The following PAK1 variants were observed in gnomAD, a reference collection of about 807,000 sequenced individuals.
PAK1 encodes serine/threonine-protein kinase PAK 1.
PAK1 carries 29 observed loss-of-function variants against 67.4 expected under a neutral mutation model. That is an observed-to-expected ratio of 0.43 (90% CI 0.32 to 0.59). The LOEUF is 0.59. PAK1 is among the 20% of genes least tolerant of loss of function. The pLI, the probability that PAK1 is intolerant of heterozygous loss-of-function variation, is 0.07. For synonymous variants in PAK1, 223 were observed against 237.4 expected (o/e 0.94, Z 0.56); for missense variants, 337 against 670.7 (o/e 0.50, Z 5.50).
chr11:77,408,161 G>GCGTC (rs1953911579), intron 1 of PAK1: 1 of 152,174 alleles, frequency 6.6e-6, no homozygotes, highest in Non-Finnish European at 1.5e-5. Context: ...TACCACATGA[G>GCGTC]CGTCCACATT....
intron 14 of PAK1, among the ~76,000 whole-genome samples, chr11:77,324,863 C>A (rs1204318231): frequency 6.6e-6 from 1 of 152,010 alleles, no homozygotes; most frequent in Non-Finnish European, 1.5e-5. Flanking sequence ...ATTGCTGCAA[C>A]TTCTGTTGGG....
chr11:77,499,943 G>A, the PAK1 span, among the ~76,000 whole-genome samples: 5 of 152,058 alleles, frequency 3.3e-5, no homozygotes, highest in Non-Finnish European at 5.9e-5. Flanking sequence ...CAGCATCAGC[G>A]AACACTTCCA....
chr11:77,430,914 A>G (rs918287688), intron 1 of PAK1, among the ~76,000 whole-genome samples: 4 of 152,260 alleles, frequency 2.6e-5, no homozygotes, highest in Admixed American at 6.5e-5. Context: ...AAGGGAGCAA[A>G]GCTGAGCTCC....
At chr11:77,415,345 A>G (rs1565686886) in intron 1 of PAK1, among the ~76,000 whole-genome samples, 1 of 152,202 alleles carries the variant, frequency 6.6e-6, no homozygotes, top group African/African-American at 2.4e-5. Context: ...AAATACAGTT[A>G]TGTGTCACTT....
At chr11:77,471,100 A>G (rs1372835411) in intron 1 of PAK1, among the ~76,000 whole-genome samples, 1 of 152,232 alleles carries the variant, frequency 6.6e-6, no homozygotes, top group African/African-American at 2.4e-5. Flanking sequence ...TGCCTGCTAT[A>G]TGCAGTCACT....
chr11:77,396,847 T>C (rs1174673564), intron 1 of PAK1, among the ~76,000 whole-genome samples: 1 of 152,232 alleles, frequency 6.6e-6, no homozygotes, highest in Non-Finnish European at 1.5e-5. Flanking sequence ...TTCTTATAGG[T>C]TCTCCACAAG....
At chr11:77,413,395 G>C (rs1342496017) in intron 1 of PAK1, among the ~76,000 whole-genome samples, 2 of 152,196 alleles carry the variant, frequency 1.3e-5, no homozygotes, top group Admixed American at 1.3e-4. Flanking sequence ...AGAAGCAGCA[G>C]CAGAACTTGG....
the PAK1 span, among the ~76,000 whole-genome samples, chr11:77,521,663 T>C: frequency 6.6e-6 from 1 of 152,192 alleles, no homozygotes; most frequent in Non-Finnish European, 1.5e-5. Context: ...CACACCCAGA[T>C]AGCTAGTGGT....
At chr11:77,341,765 T>C (rs572620052) in intron 10 of PAK1, among the ~76,000 whole-genome samples, 8 of 152,338 alleles carry the variant, frequency 5.3e-5, no homozygotes, top group African/African-American at 1.9e-4. Context: ...CATCCTGATA[T>C]TGGGAATACT....
chr11:77,516,363 C>T, the PAK1 span, among the ~76,000 whole-genome samples: 1 of 152,162 alleles, frequency 6.6e-6, no homozygotes, highest in Non-Finnish European at 1.5e-5. Flanking sequence ...ACTGAGTAAA[C>T]TTGGACAACT....
intron 1 of PAK1, among the ~76,000 whole-genome samples, chr11:77,432,653 G>T (rs143863513): frequency 8.0e-4 from 122 of 151,832 alleles, no homozygotes; most frequent in African/African-American, 2.8e-3. Flanking sequence ...ATGAGACCCT[G>T]TCTCAAAAAA....
At chr11:77,357,946 G>T (rs905705783) in intron 6 of PAK1, among the ~76,000 whole-genome samples, 1 of 152,124 alleles carries the variant, frequency 6.6e-6, no homozygotes, top group African/African-American at 2.4e-5. Flanking sequence ...AACCATATCA[G>T]TGTTAACGAC....
chr11:77,479,441 G>A (rs888038187), upstream of PAK1, among the ~76,000 whole-genome samples: 1 of 151,972 alleles, frequency 6.6e-6, no homozygotes, highest in African/African-American at 2.4e-5. Context: ...ACTTATAGGG[G>A]GCCAAAGGAG....
rs143762191 is a variant in PAK1 at position 77,413,612 on chromosome 11, G to A, written c.-21-21071C>T. On this transcript the variant is annotated intron_variant, in intron 1 of 14. Coordinates refer to ENST00000356341, the MANE Select transcript of PAK1 (RefSeq NM_002576.5). ...GCAGGAGAATCCCTTGAACCCAGGA[G>A]GCGGAAGTTGCAGTGAGCTGAGATC... Among the ~76,000 whole-genome samples the A allele has an allele frequency of 2.8e-3, 428 of 152,198 alleles. 19 individuals are homozygous for A. The East Asian group carries it at 0.066, about 24-fold the overall frequency.
chr11:77,359,113 T>C (rs746537333), intron 5 of PAK1, 96 bp from the exon 6 acceptor site: 194 of 1,139,976 alleles, frequency 1.7e-4, no homozygotes, highest in Non-Finnish European at 2.3e-4. Flanking sequence ...CCCATCCTGA[T>C]ATCCCTTCTG....
chr11:77,382,764 G>T (rs1949994904), intron 2 of PAK1, among the ~76,000 whole-genome samples: 1 of 152,166 alleles, frequency 6.6e-6, no homozygotes, highest in African/African-American at 2.4e-5. Flanking sequence ...TTGGGAGGCT[G>T]AAGCAGGCGG....
At chr11:77,498,450 A>G in the PAK1 span, among the ~76,000 whole-genome samples, 25 of 152,054 alleles carry the variant, frequency 1.6e-4, no homozygotes, top group African/African-American at 5.3e-4. Context: ...CATTGCAGTG[A>G]TTTATAAAAG....
chr11:77,516,698 T>G, the PAK1 span, among the ~76,000 whole-genome samples: 3 of 152,172 alleles, frequency 2.0e-5, no homozygotes, highest in Middle Eastern at 3.4e-3. Flanking sequence ...TAATTTAAAC[T>G]AACCAATTTA....
At chr11:77,459,877 T>C (rs1957252784) in intron 1 of PAK1, among the ~76,000 whole-genome samples, 1 of 151,570 alleles carries the variant, frequency 6.6e-6, no homozygotes, top group South Asian at 2.1e-4. Context: ...TTTGTGTTTT[T>C]AGTAGAGACG....
Sources: gnomAD v4.1 joint callset for allele counts (sites outside exome capture counted in the v4.1 genomes callset) on GRCh38, gnomAD v4.1.1 for gene constraint, MANE v1.5 for transcripts, NCBI Gene and HGNC (gene_info 2026-07-23, HGNC 2026-07-21) for gene names.